The following CNTLN variants were observed in gnomAD, a reference collection of about 807,000 sequenced individuals.
The protein encoded by CNTLN is centlein.
In CNTLN, 212 loss-of-function variants were observed where a neutral mutation model predicts 180.0. The observed-to-expected ratio is 1.18, with a 90% CI of 1.05 to 1.32. CNTLN has a LOEUF of 1.32. Ranked by LOEUF, CNTLN falls within the 40% of genes most tolerant of loss-of-function variation. CNTLN has a pLI of 0.00. For synonymous variants in CNTLN, 722 were observed against 563.1 expected (o/e 1.28, Z -3.99); for missense variants, 2,095 against 1,610.9 (o/e 1.30, Z -5.14).
At chr9:17,141,308 A>T (rs193256226) in intron 1 of CNTLN, among the ~76,000 whole-genome samples, 1 of 152,308 alleles carries the variant, frequency 6.6e-6, no homozygotes, top group East Asian at 1.9e-4. Flanking sequence ...GTAACTGGAA[A>T]AGGGGTTGCT....
chr9:17,308,025 T>G, intron 7 of CNTLN, among the ~76,000 whole-genome samples: 1 of 146,540 alleles, frequency 6.8e-6, no homozygotes. Flanking sequence ...CACATTTTCG[T>G]TCTTAGGTCA....
intron 2 of CNTLN, among the ~76,000 whole-genome samples, chr9:17,160,435 C>G (rs1318328735): frequency 6.6e-6 from 1 of 152,106 alleles, no homozygotes; most frequent in Non-Finnish European, 1.5e-5. Context: ...CATTTTCTTC[C>G]CTTTCTTTAA....
At chr9:17,336,543 C>G (rs1258769224) in intron 10 of CNTLN, among the ~76,000 whole-genome samples, 3 of 152,056 alleles carry the variant, frequency 2.0e-5, no homozygotes, top group African/African-American at 7.2e-5. Context: ...AAGATTTTTT[C>G]TTATGAATTA....
At chr9:17,158,193 A>C (rs1311011069) in intron 2 of CNTLN, among the ~76,000 whole-genome samples, 2 of 152,192 alleles carry the variant, frequency 1.3e-5, no homozygotes. Context: ...GATGTGATGT[A>C]GTACATAAAT....
In CNTLN at chr9:17,298,363, A is replaced by G; in HGVS notation, c.1146+11A>G. 1 of 1,603,962 alleles carries G rather than the reference A, an allele frequency of 6.2e-7. No homozygotes were observed. Among genetic ancestry groups the G allele is most frequent in the African/African-American group, 1.3e-5 (1 of 74,524 alleles). Reference sequence around the variant, plus strand: ...ATATCATATCAAAAAGTATGCTTTTATTCTGTAATAAAGATGTAAATGTTT... The same window carrying G: ...ATATCATATCAAAAAGTATGCTTTTGTTCTGTAATAAAGATGTAAATGTTT... On this transcript the variant is annotated intron_variant, in intron 7 of 25. Transcript: ENST00000380647.
intron 12 of CNTLN, among the ~76,000 whole-genome samples, chr9:17,345,507 A>G (rs1311769170): frequency 6.7e-6 from 1 of 149,258 alleles, no homozygotes; most frequent in Non-Finnish European, 1.5e-5. Flanking sequence ...TTTTTTCTGT[A>G]GAGTTTTTGA....
chr9:17,214,763 TTTTTCTCTAAACTTCTCTTCTCACTTC>T (rs1293153321), intron 2 of CNTLN, among the ~76,000 whole-genome samples: 1 of 152,126 alleles, frequency 6.6e-6, no homozygotes, highest in East Asian at 1.9e-4. Context: ...TCTTTTTACT[TTTTTCTCTAAACTTCTCTTCTCACTTC>T]ATTTCATTCA....
intron 18 of CNTLN, among the ~76,000 whole-genome samples, chr9:17,446,887 T>A (rs781290557): frequency 2.0e-4 from 31 of 152,218 alleles, no homozygotes; most frequent in Non-Finnish European, 3.5e-4. Flanking sequence ...GAAAACCAAG[T>A]TTAATCAGAG....
At chr9:17,482,686 C>A (rs1249858312) in intron 23 of CNTLN, among the ~76,000 whole-genome samples, 1 of 152,170 alleles carries the variant, frequency 6.6e-6, no homozygotes, top group Non-Finnish European at 1.5e-5. Flanking sequence ...TTGCTTTACC[C>A]AATGTTAAAA....
intron 5 of CNTLN, among the ~76,000 whole-genome samples, chr9:17,253,170 TA>T (rs1178367967): frequency 1.3e-5 from 2 of 151,860 alleles, no homozygotes; most frequent in African/African-American, 4.8e-5. Flanking sequence ...TCAGTTAATA[TA>T]TCCTTGTAAT....
chr9:17,322,565 A>G (rs149333484), intron 8 of CNTLN, among the ~76,000 whole-genome samples: 377 of 152,244 alleles, frequency 2.5e-3, no homozygotes, highest in African/African-American at 8.6e-3. Context: ...TAACTACTCT[A>G]TAGTGGCACT....
chr9:17,408,441 G>A (rs1827578948), intron 15 of CNTLN, among the ~76,000 whole-genome samples: 1 of 151,966 alleles, frequency 6.6e-6, no homozygotes, highest in African/African-American at 2.4e-5. Flanking sequence ...CAGGATAAAG[G>A]TTACATGAGG....
intron 2 of CNTLN, among the ~76,000 whole-genome samples, chr9:17,186,097 A>G (rs1821421153): frequency 6.6e-6 from 1 of 152,114 alleles, no homozygotes; most frequent in African/African-American, 2.4e-5. Context: ...AGCCCCTCCC[A>G]TTCTTTAGTT....
At chr9:17,274,497 CTATCTATG>C (rs1343717061) in intron 6 of CNTLN, among the ~76,000 whole-genome samples, 4 of 143,598 alleles carry the variant, frequency 2.8e-5, no homozygotes, top group African/African-American at 8.2e-5. Context: ...ATCTATCTAT[CTATCTATG>C]TATCTTTCTA....
At chr9:17,255,704 C>T (rs561348526) in intron 5 of CNTLN, among the ~76,000 whole-genome samples, 1 of 151,818 alleles carries the variant, frequency 6.6e-6, no homozygotes, top group East Asian at 1.9e-4. Context: ...ACTCTCCGTA[C>T]TTCAGTTATT....
Position 17,481,139 on chromosome 9 carries a change from G to T in CNTLN, c.3856-3156G>T, listed in dbSNP as rs911589697. Among the ~76,000 whole-genome samples the T allele has an allele frequency of 2.6e-5, 4 of 152,092 alleles. No homozygotes were observed. In the South Asian group the frequency reaches 8.3e-4, roughly 32 times the overall value. ...AACTGTGGGGCACAGTCTGGACCCCGCCGACCAAGGAGCCTAGTTAGCAAC... is the reference window on the plus strand; with the variant it reads ...AACTGTGGGGCACAGTCTGGACCCCTCCGACCAAGGAGCCTAGTTAGCAAC... On this transcript the variant is annotated intron_variant, in intron 23 of 25. Coordinates refer to ENST00000380647, the MANE Select transcript of CNTLN (RefSeq NM_017738.4).
At chr9:17,143,400 A>G (rs1818238002) in intron 2 of CNTLN, 24 bp downstream of exon 2, 1 of 1,556,544 alleles carries the variant, frequency 6.4e-7, no homozygotes, top group Non-Finnish European at 8.9e-7. Context: ...TTATTTTTTC[A>G]TGAGTATTTG....
chr9:17,195,861 A>T (rs537152717), intron 2 of CNTLN, among the ~76,000 whole-genome samples: 1 of 152,262 alleles, frequency 6.6e-6, no homozygotes, highest in South Asian at 2.1e-4. Context: ...TTTTTCTGTG[A>T]TGAAAATTTT....
chr9:17,270,673 A>T (rs1261369380), intron 5 of CNTLN, among the ~76,000 whole-genome samples: 1 of 152,056 alleles, frequency 6.6e-6, no homozygotes, highest in African/African-American at 2.4e-5. Context: ...TTATTCATTT[A>T]TTGTAATGTT....
Sources: gnomAD v4.1 joint callset for allele counts (sites outside exome capture counted in the v4.1 genomes callset) on GRCh38, gnomAD v4.1.1 for gene constraint, MANE v1.5 for transcripts, NCBI Gene and HGNC (gene_info 2026-07-23, HGNC 2026-07-21) for gene names.